Variants in PTPRD observed in about 807,000 individuals in gnomAD.
PTPRD encodes the protein protein tyrosine phosphatase receptor type D, also known as receptor-type tyrosine-protein phosphatase delta.
PTPRD carries 34 observed loss-of-function variants against 214.5 expected under a neutral mutation model. That is an observed-to-expected ratio of 0.16 (90% confidence interval 0.12 to 0.21). PTPRD has a LOEUF of 0.21. Among genes scored for constraint, PTPRD ranks in the 10% least tolerant of loss-of-function variants. PTPRD has a pLI of 1.00. For synonymous variants in PTPRD, 1,128 were observed against 845.7 expected (o/e 1.33, Z -5.79); for missense variants, 2,545 against 2,398.7 (o/e 1.06, Z -1.27).
chr9:9,492,328 A>T (rs1390194783), intron 8 of PTPRD, among the ~76,000 whole-genome samples: 3 of 42,820 alleles, frequency 7.0e-5, no homozygotes, highest in Non-Finnish European at 4.1e-5. Context: ...ACTAAACATA[A>T]AAAAAAAAAA....
At chr9:8,869,890 C>G (rs1256050404) in intron 11 of PTPRD, among the ~76,000 whole-genome samples, 1 of 152,152 alleles carries the variant, frequency 6.6e-6, no homozygotes, top group Non-Finnish European at 1.5e-5. Context: ...ATCCTACCCA[C>G]TACCCTTCTG....
Position 10,063,729 on chromosome 9 carries a change from G to T in PTPRD, c.-544-29939C>A, listed in dbSNP as rs114096174. 8.6e-4 allele frequency among the ~76,000 whole-genome samples: 131 copies of T among 152,096 alleles called. 1 individual carries two copies. The highest frequency in any genetic ancestry group is 3.0e-3 in the African/African-American group (126 of 41,544). ...GATATAGAATCTGAGGTATATGAGGGTAGGTGAAAAGTACTCCACATTTCT... is the reference window on the plus strand; with the variant it reads ...GATATAGAATCTGAGGTATATGAGGTTAGGTGAAAAGTACTCCACATTTCT... On this transcript the variant is annotated intron_variant, in intron 3 of 45. Transcript: ENST00000381196.
intron 14 of PTPRD, among the ~76,000 whole-genome samples, chr9:8,544,889 C>CT (rs869280997): frequency 0.15 from 17,717 of 118,596 alleles, 1,535 homozygotes; most frequent in East Asian, 0.25. Flanking sequence ...AAAGACAGTC[C>CT]TTTTTTTTTT....
At chr9:10,491,251 A>G (rs546490964) in intron 2 of PTPRD, among the ~76,000 whole-genome samples, 26 of 152,290 alleles carry the variant, frequency 1.7e-4, no homozygotes, top group African/African-American at 6.0e-4. Flanking sequence ...GTATAATCAC[A>G]TATTATTAGC....
intron 14 of PTPRD, among the ~76,000 whole-genome samples, chr9:8,545,631 G>C (rs1438766925): frequency 6.6e-6 from 1 of 152,110 alleles, no homozygotes; most frequent in Non-Finnish European, 1.5e-5. Flanking sequence ...TAAATATTCT[G>C]AAGTGTTTGA....
intron 5 of PTPRD, among the ~76,000 whole-genome samples, chr9:9,902,612 C>G (rs1459765607): frequency 5.9e-5 from 9 of 152,124 alleles, no homozygotes; most frequent in African/African-American, 2.2e-4. Flanking sequence ...CTTTGCTCAC[C>G]TGACTAGCAC....
chr9:9,307,875 C>T (rs1957629803), intron 9 of PTPRD, among the ~76,000 whole-genome samples: 1 of 152,140 alleles, frequency 6.6e-6, no homozygotes, highest in Admixed American at 6.5e-5. Context: ...CAGATTAAAA[C>T]CTGGGAGCAC....
Position 9,067,819 on chromosome 9 carries a change from G to A in PTPRD, c.-142-49084C>T, listed in dbSNP as rs559095157. On this transcript the variant is annotated intron_variant, in intron 10 of 45. Transcript: ENST00000381196. ...TGATCTTGTCTAGATTTTTTTAGTT[G>A]TATTTGTACTTGTGTCTGTGTTTAT... Among the ~76,000 whole-genome samples, 4 of 151,984 alleles carry A rather than the reference G, an allele frequency of 2.6e-5. No individual in the cohort carries two copies. In the East Asian group the frequency reaches 7.8e-4, roughly 29 times the overall value.
intron 9 of PTPRD, among the ~76,000 whole-genome samples, chr9:9,366,823 G>C (rs115447994): frequency 0.023 from 3,521 of 151,162 alleles, 146 homozygotes; most frequent in African/African-American, 0.081. Context: ...AAAATGAATA[G>C]AGCTAAATAC....
intron 11 of PTPRD, among the ~76,000 whole-genome samples, chr9:8,825,786 C>T (rs900132214): frequency 7.0e-6 from 1 of 142,266 alleles, no homozygotes; most frequent in Non-Finnish European, 1.5e-5. Context: ...CATGCCTCCC[C>T]TTTCTAGACC....
At position 9,050,461 on chromosome 9, in the gene PTPRD, T is replaced by C. The variant is rs142934971; in HGVS notation, c.-142-31726A>G. 1.4e-4 allele frequency among the ~76,000 whole-genome samples: 21 copies of C among 152,302 alleles called. No individual in the cohort carries two copies. The East Asian group carries it at 3.5e-3, about 25-fold the overall frequency. On this transcript the variant is annotated intron_variant, in intron 10 of 45. Coordinates refer to ENST00000381196, the MANE Select transcript of PTPRD (RefSeq NM_002839.4). Reference sequence around the variant, plus strand: ...GTGTTCCCTGTCCCTACATGCCAAGTATAAAAACCTCACCCTTTTAAAATG... The same window carrying C: ...GTGTTCCCTGTCCCTACATGCCAAGCATAAAAACCTCACCCTTTTAAAATG...
intron 7 of PTPRD, among the ~76,000 whole-genome samples, chr9:9,716,966 G>C (rs970588076): frequency 6.6e-6 from 1 of 152,144 alleles, no homozygotes; most frequent in Non-Finnish European, 1.5e-5. Context: ...ATGTCTTCTA[G>C]GATTTTTATG....
At chr9:9,015,916 G>A (rs960296420) in intron 11 of PTPRD, among the ~76,000 whole-genome samples, 1 of 152,074 alleles carries the variant, frequency 6.6e-6, no homozygotes, top group African/African-American at 2.4e-5. Context: ...ATGGAGGTGA[G>A]GAATGCCAAT....
At chr9:10,498,650 A>C (rs572135418) in intron 2 of PTPRD, among the ~76,000 whole-genome samples, 13 of 151,796 alleles carry the variant, frequency 8.6e-5, no homozygotes, top group Middle Eastern at 3.2e-3. Context: ...CTGAGACACA[A>C]AAAAAAGGTA....
chr9:9,057,085 A>C (rs554604041), intron 10 of PTPRD, among the ~76,000 whole-genome samples: 1 of 152,310 alleles, frequency 6.6e-6, no homozygotes, highest in African/African-American at 2.4e-5. Flanking sequence ...CTCTTCATAA[A>C]CCTTAAATAG....
At chr9:8,366,163 A>C (rs541730893) in intron 39 of PTPRD, among the ~76,000 whole-genome samples, 3 of 152,216 alleles carry the variant, frequency 2.0e-5, no homozygotes, top group Non-Finnish European at 4.4e-5. Flanking sequence ...AATAATCATA[A>C]TTCTCATCAT....
At chr9:9,372,975 C>A (rs1010212667) in intron 9 of PTPRD, among the ~76,000 whole-genome samples, 2 of 152,024 alleles carry the variant, frequency 1.3e-5, no homozygotes, top group Non-Finnish European at 2.9e-5. Context: ...ACAAAAAATA[C>A]CAGTTTAGAG....
chr9:9,769,002 T>TA (rs2098729314), intron 5 of PTPRD, among the ~76,000 whole-genome samples: 2 of 152,186 alleles, frequency 1.3e-5, no homozygotes, highest in South Asian at 4.1e-4. Flanking sequence ...AGGATGGGAA[T>TA]AAGTTATAGA....
At chr9:10,437,371 C>T (rs1002804975) in intron 2 of PTPRD, among the ~76,000 whole-genome samples, 4 of 151,742 alleles carry the variant, frequency 2.6e-5, no homozygotes, top group Non-Finnish European at 5.9e-5. Context: ...CCTGAGTTTC[C>T]AGATACTGTT....
Sources: gnomAD v4.1 joint callset for allele counts (sites outside exome capture counted in the v4.1 genomes callset) on GRCh38, gnomAD v4.1.1 for gene constraint, MANE v1.5 for transcripts, NCBI Gene and HGNC (gene_info 2026-07-23, HGNC 2026-07-21) for gene names.